The following MAN1A2 variants were observed in gnomAD, a reference collection of about 807,000 sequenced individuals.
The protein encoded by MAN1A2 is mannosyl-oligosaccharide 1,2-alpha-mannosidase IB.
A neutral mutation model predicts 75.7 loss-of-function variants in MAN1A2; 26 were observed. The ratio of observed to expected loss-of-function variants is 0.34; its 90% CI spans 0.25 to 0.48. The LOEUF is 0.48. Ranked by LOEUF, MAN1A2 falls within the 20% of genes least tolerant of loss-of-function variation. The pLI, the probability that MAN1A2 is intolerant of heterozygous loss-of-function variation, is 0.99. For missense variants in MAN1A2, 562 were observed against 775.5 expected (o/e 0.72, Z 3.27); for synonymous variants, 247 against 264.6 (o/e 0.93, Z 0.65).
chr1:117,414,070 A>G (rs1647909402), intron 3 of MAN1A2, among the ~76,000 whole-genome samples: 1 of 151,526 alleles, frequency 6.6e-6, no homozygotes, highest in Non-Finnish European at 1.5e-5. Flanking sequence ...TTTTTTAATG[A>G]TAAGGATTAT....
intron 6 of MAN1A2, among the ~76,000 whole-genome samples, chr1:117,449,662 A>G (rs1649344749): frequency 6.6e-6 from 1 of 152,216 alleles, no homozygotes; most frequent in East Asian, 1.9e-4. Flanking sequence ...CAGTCCGCCA[A>G]GTTGTGAATG....
rs576294089 is a variant in MAN1A2 at position 117,444,199 on chromosome 1, A to G, written c.950+1874A>G. On this transcript the variant is annotated intron_variant, in intron 6 of 12. Transcript: ENST00000356554. ...AGATCTAAATAAATCTTTGTGATGA[A>G]TACCAAGTGAGAAATGGGATAGTTA... Among the ~76,000 whole-genome samples the G allele has an allele frequency of 2.8e-3, 420 of 152,256 alleles. 1 individual carries two copies. Among genetic ancestry groups the G allele is most frequent in the Non-Finnish European group, 4.1e-3 (280 of 68,010 alleles).
rs1479229613 is a variant in MAN1A2 at position 117,523,390 on chromosome 1, A to G, written c.*433A>G. ...AGCAGCATTCAAATCAAATATTTAC[A>G]TATTGCTTATCACTTTTTCTCCATT... On this transcript the variant is annotated 3_prime_UTR_variant, in exon 13 of 13. Coordinates refer to ENST00000356554, the MANE Select transcript of MAN1A2 (RefSeq NM_006699.5). 8.8e-5 allele frequency: 33 copies of G among 373,990 alleles called. No homozygotes were observed. The allele number at this position is 373,990 out of a possible 1,614,324, so 23.2% of individuals were successfully genotyped here.
intron 8 of MAN1A2, among the ~76,000 whole-genome samples, chr1:117,491,221 G>T (rs1650874310): frequency 6.6e-6 from 1 of 152,072 alleles, no homozygotes; most frequent in Admixed American, 6.6e-5. Context: ...TCTCATAGAT[G>T]AAGAGAAGTC....
intron 1 of MAN1A2, among the ~76,000 whole-genome samples, chr1:117,372,192 A>G (rs1360617530): frequency 3.9e-5 from 6 of 152,066 alleles, no homozygotes; most frequent in Non-Finnish European, 8.8e-5. Flanking sequence ...GCAGGAGGAT[A>G]ACAAGTTAAG....
intron 8 of MAN1A2, among the ~76,000 whole-genome samples, chr1:117,469,229 T>C (rs1650066860): frequency 6.6e-6 from 1 of 152,104 alleles, no homozygotes; most frequent in Admixed American, 6.6e-5. Flanking sequence ...CTCTTCAACG[T>C]TGTGTTGAGA....
At chr1:117,427,837 A>C (rs1435766183) in intron 5 of MAN1A2, among the ~76,000 whole-genome samples, 4 of 152,218 alleles carry the variant, frequency 2.6e-5, no homozygotes, top group Non-Finnish European at 5.9e-5. Flanking sequence ...AATTATGTGA[A>C]TGCTTAGGCA....
At chr1:117,475,268 C>G (rs75459953) in intron 8 of MAN1A2, among the ~76,000 whole-genome samples, 1 of 151,794 alleles carries the variant, frequency 6.6e-6, no homozygotes, top group Non-Finnish European at 1.5e-5. Flanking sequence ...GTACATATAC[C>G]ATTTTACATT....
At chr1:117,430,389 CGG>C in intron 5 of MAN1A2, among the ~76,000 whole-genome samples, 3 of 54,060 alleles carry the variant, frequency 5.5e-5, no homozygotes, top group African/African-American at 9.0e-5. Context: ...GGCTGCCGGG[CGG>C]AGAGGCTCCT....
chr1:117,422,018 A>G (rs1469670910), intron 5 of MAN1A2, among the ~76,000 whole-genome samples: 1 of 152,136 alleles, frequency 6.6e-6, no homozygotes, highest in Non-Finnish European at 1.5e-5. Flanking sequence ...CCTGGCTTAT[A>G]GGAATAAAAT....
At chr1:117,373,943 A>C (rs1238582945) in intron 1 of MAN1A2, among the ~76,000 whole-genome samples, 1 of 151,972 alleles carries the variant, frequency 6.6e-6, no homozygotes, top group Non-Finnish European at 1.5e-5. Context: ...AAGCAAGTTT[A>C]TTAGAGGAGG....
In MAN1A2 at chr1:117,523,884, TTAG is replaced by T. The variant is rs1651936742; in HGVS notation, c.*931_*933del. On this transcript the variant is annotated 3_prime_UTR_variant, in exon 13 of 13. Coordinates refer to ENST00000356554, the MANE Select transcript of MAN1A2 (RefSeq NM_006699.5). ...TATTCACTTTAATTTCATAATAAAG[TTAG>T]TAGAGTCACTCAACTTACAACTTTA... 1 of 152,014 alleles carries T rather than the reference TTAG, an allele frequency of 6.6e-6. No homozygotes were observed. The highest frequency in any genetic ancestry group is 2.1e-4 in the South Asian group (1 of 4,836). 9.4% of individuals were successfully genotyped at this position (152,014 alleles called of 1,614,324 possible).
intron 12 of MAN1A2, among the ~76,000 whole-genome samples, chr1:117,520,417 C>T (rs574333413): frequency 6.6e-6 from 1 of 152,000 alleles, no homozygotes; most frequent in Non-Finnish European, 1.5e-5. Context: ...ACCTTGAAAA[C>T]CCTCAAGACT....
intron 12 of MAN1A2, among the ~76,000 whole-genome samples, chr1:117,511,565 C>T (rs1290550): frequency 0.86 from 130,363 of 151,886 alleles, 56,169 homozygotes; most frequent in East Asian, 0.94. Context: ...ATGATCTCCC[C>T]AGCACCTAGC....
chr1:117,398,416 G>T (rs1213846663), intron 1 of MAN1A2, among the ~76,000 whole-genome samples: 1 of 152,214 alleles, frequency 6.6e-6, no homozygotes, highest in East Asian at 1.9e-4. Flanking sequence ...GCTCATGCCT[G>T]TAATCCCAGC....
intron 1 of MAN1A2, among the ~76,000 whole-genome samples, chr1:117,378,505 ATT>A (rs1295991609): frequency 6.6e-6 from 1 of 152,044 alleles, no homozygotes; most frequent in Non-Finnish European, 1.5e-5. Context: ...CTGTTGATAG[ATT>A]TTTAGTTTTT....
intron 3 of MAN1A2, among the ~76,000 whole-genome samples, chr1:117,411,476 A>G (rs1391449493): frequency 6.6e-6 from 1 of 151,852 alleles, no homozygotes; most frequent in African/African-American, 2.4e-5. Flanking sequence ...AAATTTCAGT[A>G]GAAAACACTT....
At chr1:117,498,520 T>G (rs1301636706) in intron 10 of MAN1A2, among the ~76,000 whole-genome samples, 1 of 151,890 alleles carries the variant, frequency 6.6e-6, no homozygotes, top group Non-Finnish European at 1.5e-5. Flanking sequence ...CAGAAATTCA[T>G]AGTGTACCAG....
intron 5 of MAN1A2, among the ~76,000 whole-genome samples, chr1:117,430,654 C>T (rs1224872087): frequency 5.3e-5 from 4 of 75,554 alleles, no homozygotes; most frequent in African/African-American, 1.1e-4. Flanking sequence ...GATGTGATGG[C>T]GGCTGGGAAG....
Sources: allele counts gnomAD v4.1 joint callset (sites outside exome capture counted in the v4.1 genomes callset), GRCh38; gene constraint gnomAD v4.1.1; transcripts MANE v1.5; gene names NCBI Gene and HGNC (gene_info 2026-07-23, HGNC 2026-07-21).